The following RAB6B variants were observed in gnomAD, a reference collection of about 807,000 sequenced individuals.
The protein encoded by RAB6B is RAB6B, member RAS oncogene family, also known as ras-related protein Rab-6B.
A neutral mutation model predicts 31.2 loss-of-function variants in RAB6B; 7 were observed. That is an observed-to-expected ratio of 0.22 (90% CI 0.13 to 0.42). RAB6B has a LOEUF of 0.42. Among genes scored for constraint, RAB6B ranks in the 10% least tolerant of loss-of-function variants. The pLI is 1.00. For missense variants in RAB6B, 149 were observed against 280.6 expected, an observed-to-expected ratio of 0.53 and a Z score of 3.35; for synonymous variants, 105 against 104.9, an observed-to-expected ratio of 1.00 and a Z score of -0.01.
chr3:133,842,411 G>A (rs184769587), intron 2 of RAB6B, among the ~76,000 whole-genome samples: 284 of 152,340 alleles, frequency 1.9e-3, no homozygotes, highest in Middle Eastern at 0.014. Context: ...ACAGGCACCC[G>A]GTACCTGTCA....
At chr3:133,876,445 G>GA (rs1339170150) in intron 1 of RAB6B, among the ~76,000 whole-genome samples, 1 of 152,148 alleles carries the variant, frequency 6.6e-6, no homozygotes, top group African/African-American at 2.4e-5. Flanking sequence ...GCTGTATAGA[G>GA]AGAGTTTCTC....
intron 2 of RAB6B, among the ~76,000 whole-genome samples, chr3:133,845,018 A>C (rs72976354): frequency 6.6e-6 from 1 of 152,162 alleles, no homozygotes; most frequent in East Asian, 1.9e-4. Context: ...TTCTACATTA[A>C]ATCAATTTGC....
chr3:133,882,282 C>G (rs1011693420), intron 1 of RAB6B, among the ~76,000 whole-genome samples: 2 of 152,210 alleles, frequency 1.3e-5, no homozygotes, highest in African/African-American at 4.8e-5. Flanking sequence ...ATCCCATCAC[C>G]TTTGAACCTT....
intron 4 of RAB6B, among the ~76,000 whole-genome samples, chr3:133,840,063 C>A (rs1048780845): frequency 2.0e-5 from 3 of 151,842 alleles, no homozygotes; most frequent in African/African-American, 7.3e-5. Context: ...GAGGACACAG[C>A]AGCCTCTAGG....
At chr3:133,838,389 A>G in intron 5 of RAB6B, 130 bp from the exon 6 acceptor site, 1 of 810,180 alleles carries the variant, frequency 1.2e-6, no homozygotes, top group South Asian at 1.4e-5. Context: ...ACAGGCTCTG[A>G]TCCCAAGGGT....
Position 133,827,540 on chromosome 3 carries a change from C to T in RAB6B, c.*1248G>A, listed in dbSNP as rs753606684. On this transcript the variant is annotated 3_prime_UTR_variant, in exon 8 of 8. Transcript: ENST00000285208. ...TGGCTCTCTGGGGGCAAGCAGCCTT[C>T]TGGAGACCCCACCTGAACCACATCC... The T allele has an allele frequency of 2.5e-5, 6 of 235,528 alleles. No homozygotes were observed. Among genetic ancestry groups the T allele is most frequent in the Non-Finnish European group, 4.1e-5 (5 of 121,768 alleles). 14.6% of individuals were successfully genotyped at this position (235,528 alleles called of 1,614,324 possible). A position where few individuals can be genotyped will look rare whatever the true frequency, so the allele number is the denominator to read the frequency against.
intron 1 of RAB6B, among the ~76,000 whole-genome samples, chr3:133,890,082 A>T (rs1160232162): frequency 6.6e-6 from 1 of 152,164 alleles, no homozygotes; most frequent in East Asian, 1.9e-4. Context: ...TGAGGAAAGG[A>T]GAAAAATTGG....
chr3:133,864,724 T>A (rs1576403345), intron 1 of RAB6B, 82 bp from the exon 2 acceptor site: 3 of 1,377,272 alleles, frequency 2.2e-6, no homozygotes, highest in East Asian at 4.6e-5. Context: ...GAAGAAAAGA[T>A]AACAAAACCA....
chr3:133,864,767 T>A (rs1936212837), intron 1 of RAB6B, 125 bp from the exon 2 acceptor site: 1 of 936,602 alleles, frequency 1.1e-6, no homozygotes, highest in Non-Finnish European at 1.7e-6. Context: ...GTTGCAGAAA[T>A]ACAGAAGTGG....
At chr3:133,883,075 A>G (rs912285471) in intron 1 of RAB6B, among the ~76,000 whole-genome samples, 3 of 152,208 alleles carry the variant, frequency 2.0e-5, no homozygotes, top group Non-Finnish European at 2.9e-5. Context: ...TGTTCACAGA[A>G]GTGCAGAACC....
At chr3:133,842,396 G>T (rs1935848965) in intron 2 of RAB6B, among the ~76,000 whole-genome samples, 1 of 152,232 alleles carries the variant, frequency 6.6e-6, no homozygotes, top group Non-Finnish European at 1.5e-5. Context: ...ACCTCTCTGG[G>T]CCTCACAGGC....
chr3:133,854,254 T>TACTTCCCTCTTCTA (rs1481790338), intron 2 of RAB6B, among the ~76,000 whole-genome samples: 1 of 152,234 alleles, frequency 6.6e-6, no homozygotes, highest in Non-Finnish European at 1.5e-5. Flanking sequence ...TAAAGGAGAC[T>TACTTCCCTCTTCTA]ACTTCCCTCT....
At chr3:133,868,736 G>A (rs190581906) in intron 1 of RAB6B, among the ~76,000 whole-genome samples, 49 of 152,260 alleles carry the variant, frequency 3.2e-4, no homozygotes, top group Middle Eastern at 3.4e-3. Flanking sequence ...ACCAAATGAG[G>A]GTGAGAAAAT....
chr3:133,843,440 C>A (rs1019221952), intron 2 of RAB6B, among the ~76,000 whole-genome samples: 1 of 152,170 alleles, frequency 6.6e-6, no homozygotes, highest in Non-Finnish European at 1.5e-5. Context: ...GATTGACAAT[C>A]CTTGTCTTCT....
intron 7 of RAB6B, among the ~76,000 whole-genome samples, chr3:133,830,489 T>C (rs1350789507): frequency 6.6e-6 from 1 of 152,198 alleles, no homozygotes; most frequent in Non-Finnish European, 1.5e-5. Context: ...TCCTATGCTT[T>C]CCTTCTTTCC....
intron 2 of RAB6B, among the ~76,000 whole-genome samples, chr3:133,842,018 C>T (rs187688011): frequency 6.6e-6 from 1 of 152,328 alleles, no homozygotes; most frequent in Non-Finnish European, 1.5e-5. Context: ...CTGCCTTGTT[C>T]CCTTCATGGC....
At position 133,879,095 on chromosome 3, in the gene RAB6B, T is replaced by C. The variant is rs560027662; in HGVS notation, c.71-14453A>G. 8.0e-4 allele frequency among the ~76,000 whole-genome samples: 122 copies of C among 152,186 alleles called. 1 individual carries two copies. The highest frequency in any genetic ancestry group is 2.7e-3 in the African/African-American group (114 of 41,518). ...TCTGAGGCTCAGCTTTCTTCATACA[T>C]CCAATAAGGACAAAAATGCCTATCT... is the stretch of plus-strand genomic sequence containing the variant. On this transcript the variant is annotated intron_variant, in intron 1 of 7. Coordinates refer to ENST00000285208, the MANE Select transcript of RAB6B (RefSeq NM_016577.4).
At chr3:133,837,476 G>A (rs1935753940) in intron 6 of RAB6B, among the ~76,000 whole-genome samples, 1 of 152,168 alleles carries the variant, frequency 6.6e-6, no homozygotes, top group South Asian at 2.1e-4. Flanking sequence ...AAAGCCATAG[G>A]CACTGCTAAT....
Position 133,825,652 on chromosome 3 carries a change from C to A in RAB6B, c.*3136G>T, listed in dbSNP as rs1399903602. ...AGTGATCAGAACCAATGTGTTTCCA[C>A]TTGTAAATAGGCTGTTTGCTTTTTC... On this transcript the variant is annotated 3_prime_UTR_variant, in exon 8 of 8. Transcript: ENST00000285208. The A allele has an allele frequency of 1.3e-5, 2 of 152,216 alleles. No individual in the cohort carries two copies. The highest frequency in any genetic ancestry group is 4.8e-5 in the African/African-American group (2 of 41,460). The allele number at this position is 152,216 out of a possible 1,614,324, so 9.4% of individuals were successfully genotyped here. A position where few individuals can be genotyped will look rare whatever the true frequency, so the allele number is the denominator to read the frequency against.
Sources: allele counts gnomAD v4.1 joint callset (sites outside exome capture counted in the v4.1 genomes callset), GRCh38; gene constraint gnomAD v4.1.1; transcripts MANE v1.5; gene names NCBI Gene and HGNC (gene_info 2026-07-23, HGNC 2026-07-21).